The following ADAM18 variants were observed in gnomAD, a reference collection of about 807,000 sequenced individuals.
The protein encoded by ADAM18 is ADAM metallopeptidase domain 18.
In ADAM18, 117 loss-of-function variants were observed where a neutral mutation model predicts 94.4. The observed-to-expected ratio is 1.24, with a 90% CI of 1.07 to 1.45. The LOEUF (loss-of-function observed/expected upper bound fraction) is 1.45. Among genes scored for constraint, ADAM18 ranks in the 40% most tolerant of loss-of-function variants. The probability of loss-of-function intolerance (pLI) is 0.00; values close to 1 mark genes in which losing one functional copy is unlikely to be tolerated. For synonymous variants in ADAM18, 327 were observed against 291.6 expected (o/e 1.12, Z -1.24); for missense variants, 936 against 880.0 (o/e 1.06, Z -0.81).
intron 17 of ADAM18, among the ~76,000 whole-genome samples, chr8:39,700,911 G>C (rs112318476): frequency 6.6e-6 from 1 of 151,242 alleles, no homozygotes; most frequent in East Asian, 1.9e-4. Context: ...TCAGGAGATC[G>C]AGACCATCCT....
At chr8:39,712,477 C>T (rs988159319) in intron 18 of ADAM18, among the ~76,000 whole-genome samples, 1 of 152,078 alleles carries the variant, frequency 6.6e-6, no homozygotes, top group African/African-American at 2.4e-5. Context: ...AAAGGGTATT[C>T]AATTAGGGAA....
intron 14 of ADAM18, among the ~76,000 whole-genome samples, chr8:39,675,932 G>T (rs1821288715): frequency 6.6e-6 from 1 of 152,192 alleles, no homozygotes; most frequent in Non-Finnish European, 1.5e-5. Context: ...TCCAGACCCT[G>T]TTTCCCTGGG....
intron 17 of ADAM18, among the ~76,000 whole-genome samples, chr8:39,697,290 T>C (rs1821952543): frequency 6.6e-6 from 1 of 151,680 alleles, no homozygotes; most frequent in African/African-American, 2.4e-5. Context: ...TTTCTACATA[T>C]AAGACTACAT....
intron 18 of ADAM18, among the ~76,000 whole-genome samples, chr8:39,721,672 A>C (rs754371879): frequency 2.0e-5 from 3 of 151,760 alleles, no homozygotes; most frequent in Non-Finnish European, 4.4e-5. Context: ...GATCAGCATC[A>C]CTAATCATCA....
intron 19 of ADAM18, among the ~76,000 whole-genome samples, chr8:39,724,823 A>G (rs1257472818): frequency 1.3e-5 from 2 of 151,998 alleles, no homozygotes; most frequent in Admixed American, 6.6e-5. Context: ...TACATTAGTT[A>G]GAAGTATATT....
chr8:39,631,851 T>C (rs958366521), intron 7 of ADAM18, among the ~76,000 whole-genome samples: 3 of 152,026 alleles, frequency 2.0e-5, no homozygotes, highest in African/African-American at 7.2e-5. Context: ...ATTCCTTTCG[T>C]CAGTGTTCTA....
intron 6 of ADAM18, among the ~76,000 whole-genome samples, chr8:39,628,238 G>A (rs956740467): frequency 6.6e-6 from 1 of 151,648 alleles, no homozygotes; most frequent in Non-Finnish European, 1.5e-5. Flanking sequence ...AAGTTTAAAA[G>A]ACCAAACTCA....
At chr8:39,670,104 A>T (rs1428391076) in intron 14 of ADAM18, among the ~76,000 whole-genome samples, 2 of 152,196 alleles carry the variant, frequency 1.3e-5, no homozygotes, top group Non-Finnish European at 2.9e-5. Flanking sequence ...TTGGCTGCAT[A>T]AATGTCTTCT....
At position 39,627,832 on chromosome 8, in the gene ADAM18, G is replaced by T. The variant is rs1819816729; in HGVS notation, c.523-1542G>T. On this transcript the variant is annotated intron_variant, in intron 6 of 19. Coordinates refer to ENST00000265707, the MANE Select transcript of ADAM18 (RefSeq NM_014237.3). Reference sequence around the variant, plus strand: ...TCCTATGCATTGTATGCTTTCAAGAGGTCCTATTCTGGTGTATATTGACAT... The same window carrying T: ...TCCTATGCATTGTATGCTTTCAAGATGTCCTATTCTGGTGTATATTGACAT... Among the ~76,000 whole-genome samples, 3 of 151,912 alleles carry T rather than the reference G, an allele frequency of 2.0e-5. No homozygotes were observed. The South Asian group carries it at 6.2e-4, about 32-fold the overall frequency.
intron 12 of ADAM18, among the ~76,000 whole-genome samples, chr8:39,649,299 G>A (rs189734708): frequency 1.3e-5 from 2 of 152,004 alleles, no homozygotes; most frequent in East Asian, 3.9e-4. Flanking sequence ...GAGGCTGTGT[G>A]TATCTCTATA....
intron 16 of ADAM18, among the ~76,000 whole-genome samples, chr8:39,682,174 G>A (rs1040208837): frequency 2.0e-5 from 3 of 152,148 alleles, no homozygotes; most frequent in Non-Finnish European, 2.9e-5. Context: ...AAGAAAGGCT[G>A]CCTCACAGAT....
intron 10 of ADAM18, 124 bp downstream of exon 10, chr8:39,638,670 T>C: frequency 2.2e-6 from 1 of 453,324 alleles, no homozygotes; most frequent in Non-Finnish European, 3.8e-6. Flanking sequence ...TGTATATTCA[T>C]TATTATTTTA....
At chr8:39,617,765 C>A (rs1585903451) in intron 6 of ADAM18, among the ~76,000 whole-genome samples, 1 of 152,026 alleles carries the variant, frequency 6.6e-6, no homozygotes, top group Non-Finnish European at 1.5e-5. Flanking sequence ...CATGTTCTCA[C>A]TGATAAGTGG....
Position 39,680,204 on chromosome 8 carries a change from G to A in ADAM18, c.1799G>A (p.Gly600Asp), listed in dbSNP as rs1207681557. 14 of 1,612,438 alleles carry A rather than the reference G, an allele frequency of 8.7e-6. No individual in the cohort carries two copies. The highest frequency in any genetic ancestry group is 1.1e-5 in the Non-Finnish European group (13 of 1,179,444). ...DGTDNAYVADGTMCGPEMYCV... is the reference protein window; with the variant it reads ...DGTDNAYVADDTMCGPEMYCV... The stretch of plus-strand genomic sequence containing the variant: ...ACAGACAATGCCTATGTGGCTGATG[G>A]CACCATGTGTGGTCCAGAAATGGTA... The change falls in exon 16 of 20, where the codon GGC becomes GAC. Residue 600 changes from glycine to aspartate, a missense_variant. Gly to Asp is a moderately conservative substitution (Grantham distance 94). Coordinates refer to ENST00000265707, the MANE Select transcript of ADAM18 (RefSeq NM_014237.3).
intron 3 of ADAM18, among the ~76,000 whole-genome samples, chr8:39,606,657 A>G (rs1421343589): frequency 6.6e-6 from 1 of 152,318 alleles, no homozygotes; most frequent in South Asian, 2.1e-4. Flanking sequence ...TATTAAGTAT[A>G]TCTGGTGTGA....
intron 15 of ADAM18, among the ~76,000 whole-genome samples, chr8:39,679,013 T>G (rs916661452): frequency 2.0e-5 from 3 of 152,148 alleles, no homozygotes; most frequent in African/African-American, 7.2e-5. Flanking sequence ...TAGAATATAT[T>G]CTATAGAAAG....
chr8:39,621,309 T>TCACACA (rs55818122), intron 6 of ADAM18, among the ~76,000 whole-genome samples: 2,525 of 128,874 alleles, frequency 0.02, 31 homozygotes, highest in Middle Eastern at 0.035. Flanking sequence ...CATGACAAAA[T>TCACACA]CACACACACA....
intron 18 of ADAM18, among the ~76,000 whole-genome samples, chr8:39,716,805 C>A (rs1822591568): frequency 6.6e-6 from 1 of 151,814 alleles, no homozygotes; most frequent in African/African-American, 2.4e-5. Context: ...ATTGAAGTCT[C>A]CTACCATCAT....
At chr8:39,677,592 C>T in intron 15 of ADAM18, 56 bp downstream of exon 15, 1 of 1,298,010 alleles carries the variant, frequency 7.7e-7, no homozygotes, top group Non-Finnish European at 1.1e-6. Flanking sequence ...GTATTTTTAT[C>T]AAGAGACACT....
Sources: gnomAD v4.1 joint callset for allele counts (sites outside exome capture counted in the v4.1 genomes callset) on GRCh38, gnomAD v4.1.1 for gene constraint, MANE v1.5 for transcripts, NCBI Gene and HGNC (gene_info 2026-07-23, HGNC 2026-07-21) for gene names.